Variants in ADAMTSL1 observed in about 807,000 individuals in gnomAD.
The protein encoded by ADAMTSL1 is ADAMTS-like protein 1.
Under a neutral mutation model 201.8 loss-of-function variants are expected in ADAMTSL1, and 126 were observed. The ratio of observed to expected loss-of-function variants is 0.62; its 90% confidence interval spans 0.54 to 0.72. The LOEUF (loss-of-function observed/expected upper bound fraction) is 0.72. ADAMTSL1 is among the 30% of genes least tolerant of loss of function. The probability of loss-of-function intolerance (pLI) is 0.00; values close to 1 mark genes in which losing one functional copy is unlikely to be tolerated. For missense variants in ADAMTSL1, 2,679 were observed against 2,277.8 expected, an observed-to-expected ratio of 1.18 and a Z score of -3.59; for synonymous variants, 1,121 against 903.4, an observed-to-expected ratio of 1.24 and a Z score of -4.32.
At chr9:18,455,929 G>A (rs998061588) in intron 2 of ADAMTSL1, among the ~76,000 whole-genome samples, 2 of 152,100 alleles carry the variant, frequency 1.3e-5, no homozygotes, top group African/African-American at 4.8e-5. Context: ...AACTCACTGT[G>A]TTTTGGATAC....
At chr9:18,544,426 T>C (rs1483969199) in intron 3 of ADAMTSL1, among the ~76,000 whole-genome samples, 1 of 152,132 alleles carries the variant, frequency 6.6e-6, no homozygotes, top group African/African-American at 2.4e-5. Context: ...TGAAAGGGAA[T>C]ATATTAGTAA....
chr9:18,828,347 G>A (rs2131252620), intron 22 of ADAMTSL1, among the ~76,000 whole-genome samples: 1 of 152,068 alleles, frequency 6.6e-6, no homozygotes, highest in East Asian at 1.9e-4. Context: ...TTTTGAAGAT[G>A]GAAAGTACCC....
intron 1 of ADAMTSL1, among the ~76,000 whole-genome samples, chr9:18,094,952 T>C (rs1824179943): frequency 6.6e-6 from 1 of 152,182 alleles, no homozygotes. Flanking sequence ...GAGTTCCCTC[T>C]TAAAAATATA....
intron 8 of ADAMTSL1, among the ~76,000 whole-genome samples, chr9:18,658,264 G>A (rs1828846197): frequency 6.6e-6 from 1 of 152,130 alleles, no homozygotes; most frequent in South Asian, 2.1e-4. Flanking sequence ...GTGAGCCACC[G>A]TGCCCGACCG....
chr9:18,428,395 C>G (rs987254937), intron 2 of ADAMTSL1, among the ~76,000 whole-genome samples: 7 of 118,808 alleles, frequency 5.9e-5, no homozygotes, highest in African/African-American at 2.3e-4. Context: ...GCCAGGAGCT[C>G]AAGAGCAGCT....
At chr9:18,205,781 C>T (rs908414720) in intron 2 of ADAMTSL1, among the ~76,000 whole-genome samples, 82 of 152,120 alleles carry the variant, frequency 5.4e-4, no homozygotes, top group African/African-American at 2.0e-3. Context: ...CGGCCAGGCA[C>T]GGTGGCTCAT....
intron 2 of ADAMTSL1, among the ~76,000 whole-genome samples, chr9:18,186,383 G>C (rs1828734746): frequency 6.6e-6 from 1 of 152,066 alleles, no homozygotes; most frequent in South Asian, 2.1e-4. Flanking sequence ...TGCATCTCTT[G>C]ACATTTGAAG....
chr9:18,853,034 G>A (rs1319713089), intron 23 of ADAMTSL1, among the ~76,000 whole-genome samples: 1 of 152,134 alleles, frequency 6.6e-6, no homozygotes, highest in African/African-American at 2.4e-5. Context: ...AAATATAGAT[G>A]GTATTGTTTC....
chr9:18,739,903 G>C (rs1221521935), intron 15 of ADAMTSL1, among the ~76,000 whole-genome samples: 10 of 143,078 alleles, frequency 7.0e-5, no homozygotes, highest in African/African-American at 1.5e-4. Flanking sequence ...TACTATCTGT[G>C]TGTGTGTGTG....
intron 2 of ADAMTSL1, among the ~76,000 whole-genome samples, chr9:18,407,463 T>C (rs917003927): frequency 1.3e-5 from 2 of 152,148 alleles, no homozygotes; most frequent in Admixed American, 1.3e-4. Context: ...TTAAGGATTC[T>C]TTCAGAGGGA....
chr9:18,205,853 A>G (rs1339485413), intron 2 of ADAMTSL1, among the ~76,000 whole-genome samples: 1 of 152,030 alleles, frequency 6.6e-6, no homozygotes, highest in Non-Finnish European at 1.5e-5. Context: ...CAGGAGTTCG[A>G]GACCAGCCTG....
At chr9:18,608,493 T>C (rs1825169831) in intron 4 of ADAMTSL1, among the ~76,000 whole-genome samples, 1 of 151,620 alleles carries the variant, frequency 6.6e-6, no homozygotes, top group African/African-American at 2.4e-5. Flanking sequence ...AATGGGAAAA[T>C]GTATGCAGTC....
intron 1 of ADAMTSL1, among the ~76,000 whole-genome samples, chr9:17,918,262 T>A (rs190071633): frequency 9.9e-5 from 15 of 151,948 alleles, no homozygotes; most frequent in African/African-American, 3.6e-4. Context: ...TATTTTGGAT[T>A]CTCAAACACA....
chr9:18,096,862 A>T (rs1200152507), intron 1 of ADAMTSL1, among the ~76,000 whole-genome samples: 1 of 152,128 alleles, frequency 6.6e-6, no homozygotes, highest in East Asian at 1.9e-4. Flanking sequence ...CAGCTCTAGA[A>T]CTCATATAAA....
At chr9:18,042,552 A>G (rs1406622777) in intron 1 of ADAMTSL1, among the ~76,000 whole-genome samples, 1 of 152,144 alleles carries the variant, frequency 6.6e-6, no homozygotes, top group African/African-American at 2.4e-5. Context: ...GTGCTCGATA[A>G]CAAAGCTCAC....
At chr9:18,012,933 G>C (rs981004257) in intron 1 of ADAMTSL1, among the ~76,000 whole-genome samples, 1 of 151,852 alleles carries the variant, frequency 6.6e-6, no homozygotes, top group Non-Finnish European at 1.5e-5. Context: ...ACTTGGAATC[G>C]AATCCAAGAT....
chr9:18,095,890 GGTTGGTCATT>G (rs1003504730), intron 1 of ADAMTSL1, among the ~76,000 whole-genome samples: 4 of 152,090 alleles, frequency 2.6e-5, no homozygotes, highest in Admixed American at 6.6e-5. Context: ...ACTGCTACTG[GGTTGGTCATT>G]GTTTCTAAGC....
intron 1 of ADAMTSL1, among the ~76,000 whole-genome samples, chr9:18,133,210 G>T (rs908343702): frequency 2.0e-5 from 3 of 152,092 alleles, no homozygotes; most frequent in Admixed American, 1.3e-4. Flanking sequence ...TATCTCCCAG[G>T]ATTAGAGTTG....
At chr9:17,927,438 A>G (rs1292739129) in intron 1 of ADAMTSL1, among the ~76,000 whole-genome samples, 1 of 152,068 alleles carries the variant, frequency 6.6e-6, no homozygotes, top group Non-Finnish European at 1.5e-5. Context: ...ACATATATGT[A>G]CATATATACA....
Sources: allele counts gnomAD v4.1 joint callset (sites outside exome capture counted in the v4.1 genomes callset), GRCh38; gene constraint gnomAD v4.1.1; transcripts MANE v1.5; gene names NCBI Gene and HGNC (gene_info 2026-07-23, HGNC 2026-07-21).